Variants in ZMAT4 observed in about 807,000 individuals in gnomAD.
The protein encoded by ZMAT4 is zinc finger matrin-type protein 4.
In ZMAT4, 17 loss-of-function variants were observed where a neutral mutation model predicts 28.7. The observed-to-expected ratio is 0.59, with a 90% CI of 0.41 to 0.89. ZMAT4 has a LOEUF of 0.89. ZMAT4 is among the 40% of genes least tolerant of loss of function. ZMAT4 has a pLI of 0.00. For synonymous variants in ZMAT4, 117 were observed against 109.2 expected (o/e 1.07, Z -0.44); for missense variants, 240 against 283.8 (o/e 0.85, Z 1.11).
chr8:40,787,627 T>C (rs1814141987), intron 2 of ZMAT4, among the ~76,000 whole-genome samples: 2 of 152,120 alleles, frequency 1.3e-5, no homozygotes, highest in South Asian at 4.1e-4. Context: ...CTTTTGTGCT[T>C]TGGAGCCATT....
chr8:40,891,271 A>AAGGGGGAGGGGGGAGGGGGG (rs1563270120), intron 1 of ZMAT4, among the ~76,000 whole-genome samples: 1 of 86,016 alleles, frequency 1.2e-5, no homozygotes, highest in African/African-American at 4.5e-5. Flanking sequence ...GGGGAGGGGG[A>AAGGGGGAGGGGGGAGGGGGG]AGGGGAAATT....
intron 1 of ZMAT4, among the ~76,000 whole-genome samples, chr8:40,896,907 T>G (rs1818897341): frequency 6.6e-6 from 1 of 151,512 alleles, no homozygotes; most frequent in South Asian, 2.1e-4. Context: ...GCACCCCTTC[T>G]GGGGACAAGG....
chr8:40,629,331 T>C (rs1444281292), intron 5 of ZMAT4, among the ~76,000 whole-genome samples: 3 of 151,448 alleles, frequency 2.0e-5, no homozygotes, highest in African/African-American at 7.3e-5. Context: ...TCTCATTTTC[T>C]TCTGAGTTTT....
At chr8:40,757,759 G>A (rs956358143) in intron 3 of ZMAT4, among the ~76,000 whole-genome samples, 2 of 152,112 alleles carry the variant, frequency 1.3e-5, no homozygotes, top group Non-Finnish European at 2.9e-5. Context: ...TGGATTGAAG[G>A]ATGCAAAGTA....
At chr8:40,578,491 T>C (rs548631572) in intron 6 of ZMAT4, among the ~76,000 whole-genome samples, 2 of 152,230 alleles carry the variant, frequency 1.3e-5, no homozygotes, top group South Asian at 4.1e-4. Context: ...AAAAGACTGA[T>C]AAATTAGACT....
chr8:40,758,224 C>T (rs892592022), intron 3 of ZMAT4, among the ~76,000 whole-genome samples: 24 of 152,142 alleles, frequency 1.6e-4, no homozygotes, highest in Non-Finnish European at 7.3e-5. Flanking sequence ...CTAGAGAACC[C>T]TAATACTCCT....
At chr8:40,827,533 A>G (rs1446929400) in intron 1 of ZMAT4, among the ~76,000 whole-genome samples, 1 of 152,200 alleles carries the variant, frequency 6.6e-6, no homozygotes, top group African/African-American at 2.4e-5. Flanking sequence ...AAGTACTCCA[A>G]TCTCACGTTC....
At chr8:40,765,573 G>T (rs999224992) in intron 3 of ZMAT4, among the ~76,000 whole-genome samples, 5 of 152,116 alleles carry the variant, frequency 3.3e-5, no homozygotes, top group African/African-American at 1.2e-4. Context: ...AGAGAAAAAA[G>T]GTTTCCACGG....
At chr8:40,568,616 T>C (rs1803998241) in intron 6 of ZMAT4, among the ~76,000 whole-genome samples, 2 of 152,188 alleles carry the variant, frequency 1.3e-5, no homozygotes, top group Non-Finnish European at 2.9e-5. Flanking sequence ...CTTATTATTA[T>C]TATTGTTGTT....
At chr8:40,585,598 A>G (rs940607882) in intron 5 of ZMAT4, among the ~76,000 whole-genome samples, 8 of 152,144 alleles carry the variant, frequency 5.3e-5, no homozygotes, top group African/African-American at 1.7e-4. Context: ...AAAAAAAGCT[A>G]TTCCATAAAA....
chr8:40,618,140 T>C (rs1471244834), intron 5 of ZMAT4, among the ~76,000 whole-genome samples: 2 of 152,174 alleles, frequency 1.3e-5, no homozygotes, highest in Non-Finnish European at 2.9e-5. Flanking sequence ...TTTAACAAGG[T>C]AACCAACCCT....
chr8:40,619,241 G>T (rs2118685422), intron 5 of ZMAT4, among the ~76,000 whole-genome samples: 1 of 152,328 alleles, frequency 6.6e-6, no homozygotes, highest in South Asian at 2.1e-4. Context: ...TGCACTAAAG[G>T]ATTGTGGGTA....
At chr8:40,634,810 A>G (rs1806731168) in intron 5 of ZMAT4, among the ~76,000 whole-genome samples, 1 of 152,214 alleles carries the variant, frequency 6.6e-6, no homozygotes, top group South Asian at 2.1e-4. Context: ...AAGCGTCTAA[A>G]GAATGGAGCC....
chr8:40,753,221 G>A (rs929425758), intron 3 of ZMAT4, among the ~76,000 whole-genome samples: 1 of 152,076 alleles, frequency 6.6e-6, no homozygotes, highest in Admixed American at 6.6e-5. Context: ...TCCCTGCAAA[G>A]AACATGAACT....
At chr8:40,550,698 C>A (rs1348529871) in intron 6 of ZMAT4, among the ~76,000 whole-genome samples, 1 of 152,150 alleles carries the variant, frequency 6.6e-6, no homozygotes, top group Non-Finnish European at 1.5e-5. Flanking sequence ...CATCCTGCTG[C>A]CCTGTGAGGA....
At chr8:40,625,962 C>G (rs1217171930) in intron 5 of ZMAT4, among the ~76,000 whole-genome samples, 2 of 151,944 alleles carry the variant, frequency 1.3e-5, no homozygotes, top group Non-Finnish European at 2.9e-5. Flanking sequence ...AATACAAAAT[C>G]AGCCTGGTGT....
At chr8:40,717,349 A>G (rs530219795) in intron 3 of ZMAT4, among the ~76,000 whole-genome samples, 3 of 152,348 alleles carry the variant, frequency 2.0e-5, no homozygotes, top group African/African-American at 7.2e-5. Flanking sequence ...CTTCTAATAT[A>G]AAATACTCAA....
intron 3 of ZMAT4, among the ~76,000 whole-genome samples, chr8:40,716,940 C>T (rs1810884057): frequency 6.6e-6 from 1 of 152,154 alleles, no homozygotes; most frequent in Admixed American, 6.5e-5. Flanking sequence ...TCCTCCTGTT[C>T]CCTGGACGCT....
At chr8:40,698,017 A>T (rs952377507) in intron 3 of ZMAT4, among the ~76,000 whole-genome samples, 1 of 152,272 alleles carries the variant, frequency 6.6e-6, no homozygotes, top group East Asian at 1.9e-4. Context: ...ATCATTTGTT[A>T]TTCCGCTCTG....
Sources: gnomAD v4.1 joint callset for allele counts (sites outside exome capture counted in the v4.1 genomes callset) on GRCh38, gnomAD v4.1.1 for gene constraint, MANE v1.5 for transcripts, NCBI Gene and HGNC (gene_info 2026-07-23, HGNC 2026-07-21) for gene names.